Variants in SLC12A7 observed in about 807,000 individuals in gnomAD.
The protein encoded by SLC12A7 is K-Cl cotransporter 4.
Under a neutral mutation model 120.6 loss-of-function variants are expected in SLC12A7, and 100 were observed. That is an observed-to-expected ratio of 0.83 (90% CI 0.71 to 0.98). SLC12A7 has a LOEUF of 0.98. SLC12A7 is among the 50% of genes least tolerant of loss of function. SLC12A7 has a pLI of 0.00. For synonymous variants in SLC12A7, 760 were observed against 678.0 expected (o/e 1.12, Z -1.88); for missense variants, 1,373 against 1,548.1 (o/e 0.89, Z 1.90).
Position 1,086,770 on chromosome 5 carries a change from C to T in SLC12A7, c.675+133G>A, listed in dbSNP as rs957239286. The T allele has an allele frequency of 3.2e-6, 4 of 1,268,208 alleles. No homozygotes were observed. In the African/African-American group the frequency reaches 4.5e-5, roughly 14 times the overall value. 78.6% of individuals were successfully genotyped at this position (1,268,208 alleles called of 1,614,324 possible). On this transcript the variant is annotated intron_variant, in intron 6 of 23. Coordinates refer to ENST00000264930, the MANE Select transcript of SLC12A7 (RefSeq NM_006598.3). Reference sequence around the variant, plus strand: ...CCGCCATGGCCAGAGCCCAGGAGAGCCCAGGGGCAGCCAGGGCAGTGGGGT... The same window carrying T: ...CCGCCATGGCCAGAGCCCAGGAGAGTCCAGGGGCAGCCAGGGCAGTGGGGT...
the SLC12A7 span, among the ~76,000 whole-genome samples, chr5:1,130,067 T>G: frequency 6.6e-6 from 1 of 152,190 alleles, no homozygotes; most frequent in Non-Finnish European, 1.5e-5. Context: ...TCCACGACTT[T>G]ACTTCTGGAT....
At chr5:1,054,195 C>G (rs1438410877) in intron 22 of SLC12A7, among the ~76,000 whole-genome samples, 2 of 152,246 alleles carry the variant, frequency 1.3e-5, no homozygotes, top group African/African-American at 4.8e-5. Context: ...CAAGCACTTC[C>G]ACCGTGTGGC....
At position 1,073,764 on chromosome 5, in the gene SLC12A7, G is replaced by T. The variant is rs1178828362; in HGVS notation, c.2110C>A (p.Gln704Lys). Residue 704 changes from glutamine (Q) to lysine (K), a missense_variant, in exon 17 of 24, where the codon CAG becomes AAG. By Grantham distance (53) the Gln-to-Lys change is moderately conservative. Coordinates refer to ENST00000264930, the MANE Select transcript of SLC12A7 (RefSeq NM_006598.3). ...VLVMLNLDAE[Q>K]AVKHPRLLSF... ...AGCAGGCGGGGGTGCTTCACGGCCT[G>T]CTCCGCGTCCAGGTTCAGCATCACC... 6.6e-7 allele frequency: 1 copy of T among 1,511,418 alleles called. No individual in the cohort carries two copies. The highest frequency in any genetic ancestry group is 8.9e-7 in the Non-Finnish European group (1 of 1,124,162). 93.6% of individuals were successfully genotyped at this position (1,511,418 alleles called of 1,614,324 possible). A position where few individuals can be genotyped will look rare whatever the true frequency, so the allele number is the denominator to read the frequency against.
intron 17 of SLC12A7, 42 bp downstream of exon 17, chr5:1,073,591 G>T (rs778653114): frequency 6.4e-7 from 1 of 1,564,882 alleles, no homozygotes; most frequent in Non-Finnish European, 8.6e-7. Context: ...TGTGCAGCTG[G>T]GGTGGGAAAG....
chr5:1,081,706 C>T lies in SLC12A7; in HGVS notation c.1168G>A (p.Val390Met), dbSNP rs1376908956. 6.2e-7 allele frequency: 1 copy of T among 1,613,020 alleles called. No homozygotes were observed. The highest frequency in any genetic ancestry group is 1.6e-4 in the Middle Eastern group (1 of 6,062). ...WSTYAHAGAF[V>M]EKKGVPSVPV... ...ACCGAGGGCACACCTTTCTTCTCCA[C>T]AAACGCCCCCGCGTGCGCGTACGTA... The change falls in exon 9 of 24, where the codon GTG becomes ATG. Residue 390 changes from valine (V) to methionine (M), a missense_variant. By Grantham distance (21) the Val-to-Met change is conservative. Coordinates refer to ENST00000264930, the MANE Select transcript of SLC12A7 (RefSeq NM_006598.3).
the SLC12A7 span, among the ~76,000 whole-genome samples, chr5:1,152,607 G>C: frequency 0.15 from 22,318 of 149,392 alleles, 1,788 homozygotes; most frequent in Middle Eastern, 0.23. Flanking sequence ...AGCTAGAGAA[G>C]GGAGACCCCC....
At chr5:1,122,710 C>T in the SLC12A7 span, among the ~76,000 whole-genome samples, 150 of 152,298 alleles carry the variant, frequency 9.8e-4, no homozygotes, top group Middle Eastern at 3.4e-3. Flanking sequence ...CGCGGCATGA[C>T]GTCCACACAG....
At chr5:1,118,263 C>A in the SLC12A7 span, among the ~76,000 whole-genome samples, 1 of 152,334 alleles carries the variant, frequency 6.6e-6, no homozygotes, top group South Asian at 2.1e-4. Context: ...TTCTTTCTCC[C>A]CTGTAATTCC....
rs757335472 is a variant in SLC12A7 at position 1,085,375 on chromosome 5, C to T, written c.774G>A (p.Thr258=). The T allele has an allele frequency of 7.4e-5, 119 of 1,612,218 alleles. No homozygotes were observed. Among genetic ancestry groups the T allele is most frequent in the Admixed American group, 1.3e-4 (8 of 59,956 alleles). ...LHNMRVYGTC[T]LVLMALVVFV... is the part of the protein sequence containing the mutation. The stretch of plus-strand genomic sequence containing the variant: ...AGACCACCAGGGCCATGAGCACGAG[C>T]GTGCACGTGCCGTACACACGCATGT... The change falls in exon 7 of 24, where the codon ACG becomes ACA. Residue 258 remains threonine (T), a synonymous_variant. Transcript: ENST00000264930.
chr5:1,084,651 C>T (rs768020362), intron 7 of SLC12A7, among the ~76,000 whole-genome samples: 8 of 152,196 alleles, frequency 5.3e-5, no homozygotes, highest in Non-Finnish European at 1.0e-4. Flanking sequence ...TGCAGCTGTT[C>T]TGCCTCCCTC....
intron 1 of SLC12A7, among the ~76,000 whole-genome samples, chr5:1,104,865 G>T (rs1455385053): frequency 6.6e-6 from 1 of 152,246 alleles, no homozygotes; most frequent in Non-Finnish European, 1.5e-5. Context: ...CCACGTCACA[G>T]CCCAGGGCCG....
At chr5:1,055,671 G>A (rs564547179) in intron 22 of SLC12A7, among the ~76,000 whole-genome samples, 144 of 152,358 alleles carry the variant, frequency 9.5e-4, no homozygotes, top group African/African-American at 3.0e-3. Flanking sequence ...AAGCCCCGGC[G>A]CTGGGAGGAG....
intron 22 of SLC12A7, among the ~76,000 whole-genome samples, chr5:1,056,112 T>C (rs1735579665): frequency 1.3e-5 from 2 of 152,070 alleles, no homozygotes. Flanking sequence ...CGCAGGTAGC[T>C]CCTGCCGAGG....
chr5:1,154,154 C>T, the SLC12A7 span, among the ~76,000 whole-genome samples: 3 of 151,922 alleles, frequency 2.0e-5, no homozygotes, highest in South Asian at 2.1e-4. Context: ...GTCCCGTCCA[C>T]CTCATCTCCA....
the SLC12A7 span, among the ~76,000 whole-genome samples, chr5:1,150,159 C>A: frequency 6.6e-6 from 1 of 152,168 alleles, no homozygotes; most frequent in East Asian, 1.9e-4. Context: ...TGGGTATGAA[C>A]CCCTCATCAG....
intron 16 of SLC12A7, among the ~76,000 whole-genome samples, chr5:1,074,318 C>T (rs549701321): frequency 9.2e-5 from 14 of 152,302 alleles, no homozygotes; most frequent in Admixed American, 2.0e-4. Context: ...AGGAGCCACC[C>T]TCTCCCACCC....
chr5:1,075,473 C>G lies in SLC12A7; in HGVS notation c.1865G>C (p.Gly622Ala). 1 of 1,611,794 alleles carries G rather than the reference C, an allele frequency of 6.2e-7. No individual in the cohort carries two copies. The highest frequency in any genetic ancestry group is 8.5e-7 in the Non-Finnish European group (1 of 1,179,068). ...KFYHWTLSFL[G>A]MSLCLALMFI... The stretch of plus-strand genomic sequence containing the variant: ...CATCAGCGCCAGGCACAGGCTCATA[C>G]CCAGAAAGGACAGGGTCCTGGGGGC... Residue 622 changes from glycine to alanine, a missense_variant, in exon 15 of 24, where the codon GGT becomes GCT. Coordinates refer to ENST00000264930, the MANE Select transcript of SLC12A7 (RefSeq NM_006598.3).
intron 9 of SLC12A7, 40 bp downstream of exon 9, chr5:1,081,533 GGAGA>G (rs1470855130): frequency 6.4e-7 from 1 of 1,574,592 alleles, no homozygotes; most frequent in Non-Finnish European, 8.7e-7. Context: ...AAAAAGAGAG[GGAGA>G]GAAAGAAAGA....
intron 6 of SLC12A7, among the ~76,000 whole-genome samples, chr5:1,086,090 G>A (rs1579393562): frequency 6.6e-6 from 1 of 152,290 alleles, no homozygotes; most frequent in East Asian, 1.9e-4. Flanking sequence ...TGGGAGTGCG[G>A]CAGCCACGGC....
Sources: gnomAD v4.1 joint callset for allele counts (sites outside exome capture counted in the v4.1 genomes callset) on GRCh38, gnomAD v4.1.1 for gene constraint, MANE v1.5 for transcripts, NCBI Gene and HGNC (gene_info 2026-07-23, HGNC 2026-07-21) for gene names.